Variants in EPHX2 observed in about 807,000 individuals in gnomAD.
The protein encoded by EPHX2 is epoxide hydrolase 2, also known as bifunctional epoxide hydrolase 2.
A neutral mutation model predicts 78.7 loss-of-function variants in EPHX2; 74 were observed. The ratio of observed to expected loss-of-function variants is 0.94; its 90% confidence interval spans 0.78 to 1.14. The LOEUF (loss-of-function observed/expected upper bound fraction) is 1.14. Ranked by LOEUF, EPHX2 falls within the 50% of genes most tolerant of loss-of-function variation. The pLI, the probability that EPHX2 is intolerant of heterozygous loss-of-function variation, is 0.00. For synonymous variants in EPHX2, 251 were observed against 255.2 expected, an observed-to-expected ratio of 0.98 and a Z score of 0.16; for missense variants, 715 against 702.5, an observed-to-expected ratio of 1.02 and a Z score of -0.20.
intron 2 of EPHX2, among the ~76,000 whole-genome samples, chr8:27,501,966 C>T (rs1171494707): frequency 6.6e-6 from 1 of 152,198 alleles, no homozygotes. Flanking sequence ...TGTGTATATA[C>T]TATACAGACA....
At chr8:27,497,324 T>C (rs1813607233) in intron 1 of EPHX2, among the ~76,000 whole-genome samples, 1 of 152,190 alleles carries the variant, frequency 6.6e-6, no homozygotes, top group Non-Finnish European at 1.5e-5. Context: ...ATAGTGGACA[T>C]GGGTGAGGGG....
chr8:27,516,015 G>A (rs1441487379), intron 7 of EPHX2, among the ~76,000 whole-genome samples: 3 of 152,186 alleles, frequency 2.0e-5, no homozygotes, highest in African/African-American at 7.2e-5. Context: ...ATTAGAAAAG[G>A]GCAGACTTCT....
intron 12 of EPHX2, among the ~76,000 whole-genome samples, chr8:27,527,839 T>A (rs1814901890): frequency 6.6e-6 from 1 of 152,208 alleles, no homozygotes; most frequent in Non-Finnish European, 1.5e-5. Context: ...ATGTGCCACG[T>A]GGTTCTAATC....
At chr8:27,538,847 C>T (rs1270345614) in intron 14 of EPHX2, 155 bp downstream of exon 14, 2 of 756,888 alleles carry the variant, frequency 2.6e-6, no homozygotes, top group African/African-American at 3.4e-5. Flanking sequence ...AGGGCTGACT[C>T]TAACCCCAGG....
At chr8:27,537,728 T>A (rs191244855) in intron 13 of EPHX2, among the ~76,000 whole-genome samples, 5 of 152,344 alleles carry the variant, frequency 3.3e-5, no homozygotes, top group African/African-American at 1.2e-4. Flanking sequence ...ATGTTTTCAA[T>A]TATTTTAAGT....
At chr8:27,546,890 A>G (rs534053631), downstream of EPHX2, among the ~76,000 whole-genome samples, 3 of 152,318 alleles carry the variant, frequency 2.0e-5, no homozygotes, top group African/African-American at 7.2e-5. Context: ...ACGGTTCTGC[A>G]GGCTTTACAG....
chr8:27,523,319 C>G (rs1057477209), intron 11 of EPHX2, among the ~76,000 whole-genome samples: 12 of 152,250 alleles, frequency 7.9e-5, no homozygotes, highest in African/African-American at 2.7e-4. Flanking sequence ...TCATGGTCCC[C>G]ACCATTTCAT....
intron 6 of EPHX2, 52 bp downstream of exon 6, chr8:27,511,962 T>G (rs765967418): frequency 6.4e-7 from 1 of 1,564,816 alleles, no homozygotes; most frequent in Non-Finnish European, 8.8e-7. Context: ...CCAGGTCACC[T>G]AAAACGACCA....
chr8:27,525,238 T>C, intron 11 of EPHX2, 124 bp from the exon 12 acceptor site: 3 of 779,358 alleles, frequency 3.8e-6, no homozygotes, highest in South Asian at 1.6e-5. Flanking sequence ...TCACTGCTAG[T>C]GTATGACCTT....
intron 16 of EPHX2, 111 bp from the exon 17 acceptor site, chr8:27,543,638 C>A: frequency 1.9e-6 from 2 of 1,068,540 alleles, no homozygotes; most frequent in African/African-American, 1.6e-5. Context: ...CAAAGTTCGG[C>A]AGATACAACG....
chr8:27,538,977 A>G (rs1052651731), intron 14 of EPHX2: 2 of 431,682 alleles, frequency 4.6e-6, no homozygotes, highest in Non-Finnish European at 4.2e-6. Context: ...TCTACTGATA[A>G]GGACCCCAGG....
intron 1 of EPHX2, among the ~76,000 whole-genome samples, chr8:27,497,318 T>A (rs925911500): frequency 6.6e-6 from 1 of 152,202 alleles, no homozygotes; most frequent in Non-Finnish European, 1.5e-5. Flanking sequence ...CTTGGCATAG[T>A]GGACATGGGT....
rs745893325 is a variant in EPHX2, at chr8:27,507,912, C to G, written c.660+918C>G. Among the ~76,000 whole-genome samples the G allele has an allele frequency of 9.7e-4, 147 of 152,232 alleles. 1 individual carries two copies. In the Middle Eastern group the frequency reaches 0.017, roughly 18 times the overall value. ...TAACTTCCTCCTTTTATGAGGATAC[C>G]CGTCAGATTGCACTAGGTCCCACCC... is the stretch of plus-strand genomic sequence containing the variant. On this transcript the variant is annotated intron_variant, in intron 5 of 18. Transcript: ENST00000521400.
intron 12 of EPHX2, among the ~76,000 whole-genome samples, chr8:27,534,631 A>G (rs1486759117): frequency 6.6e-6 from 1 of 152,012 alleles, no homozygotes; most frequent in African/African-American, 2.4e-5. Flanking sequence ...GCAACAGAGC[A>G]AGACTCCATC....
intron 14 of EPHX2, 123 bp from the exon 15 acceptor site, chr8:27,540,431 A>G: frequency 1.4e-6 from 1 of 737,298 alleles, no homozygotes; most frequent in East Asian, 2.6e-5. Context: ...GGAACAAAAG[A>G]TGGAGGCACT....
At position 27,525,463 on chromosome 8, in the gene EPHX2, TCC is replaced by T; in HGVS notation, c.1161_1162del (p.Phe387LeufsTer7). On this transcript the variant is annotated frameshift_variant, in exon 12 of 19. Coordinates refer to ENST00000521400, the MANE Select transcript of EPHX2 (RefSeq NM_001979.6). LOFTEE classifies it high-confidence loss of function. ...CCAGTATTTGATTACCAGCTCTACT[TCC>T]AAGAACCAGTAAGTATGGCACCAAG... 15 of 1,613,770 alleles carry T rather than the reference TCC, an allele frequency of 9.3e-6. No homozygotes were observed. The highest frequency in any genetic ancestry group is 1.3e-5 in the Non-Finnish European group (15 of 1,179,646).
chr8:27,491,491 A>G (rs1165538950), intron 1 of EPHX2, among the ~76,000 whole-genome samples, 182 bp downstream of exon 1: 1 of 152,240 alleles, frequency 6.6e-6, no homozygotes, highest in African/African-American at 2.4e-5. Context: ...GTCTTTCTAA[A>G]TGTTCATAAT....
chr8:27,513,586 GTTGTA>G (rs1814334939), intron 6 of EPHX2, among the ~76,000 whole-genome samples: 1 of 152,182 alleles, frequency 6.6e-6, no homozygotes, highest in Non-Finnish European at 1.5e-5. Context: ...TCAGGGGGCT[GTTGTA>G]TTGATTGCCA....
rs766200178 is a variant in EPHX2 at position 27,520,869 on chromosome 8, G to A, written c.946-14G>A. On this transcript the variant is annotated splice_polypyrimidine_tract_variant and intron_variant, in intron 9 of 18. Coordinates refer to ENST00000521400, the MANE Select transcript of EPHX2 (RefSeq NM_001979.6). ...GTGGTTGCTGATTTTGCCTGTGTGT[G>A]TCTTCTTCCTTAGGAGATGGTAACC... 6.2e-7 allele frequency: 1 copy of A among 1,614,200 alleles called. No homozygotes were observed. Among genetic ancestry groups the A allele is most frequent in the Non-Finnish European group, 8.5e-7 (1 of 1,180,034 alleles).
Sources: gnomAD v4.1 joint callset for allele counts (sites outside exome capture counted in the v4.1 genomes callset) on GRCh38, gnomAD v4.1.1 for gene constraint, MANE v1.5 for transcripts, NCBI Gene and HGNC (gene_info 2026-07-23, HGNC 2026-07-21) for gene names.